RBFOX1: variants seen among roughly 807,000 people sequenced by gnomAD.
RBFOX1 encodes the protein RNA binding fox-1 homolog 1.
A neutral mutation model predicts 57.7 loss-of-function variants in RBFOX1; 8 were observed. That is an observed-to-expected ratio of 0.14 (90% CI 0.08 to 0.25). RBFOX1 has a LOEUF of 0.25. RBFOX1 is among the 10% of genes least tolerant of loss of function. The pLI, the probability that RBFOX1 is intolerant of heterozygous loss-of-function variation, is 1.00. For synonymous variants in RBFOX1, 326 were observed against 222.4 expected (o/e 1.47, Z -4.15); for missense variants, 611 against 548.5 (o/e 1.11, Z -1.14).
rs1164434790 is a variant in RBFOX1 at position 7,129,995 on chromosome 16, A to G, written c.27+77897A>G. ...ATAGGATATATACTCCTCTACTTCCATCTATACCTGGCCTCTAATCTTCTT... is the reference window on the plus strand; with the variant it reads ...ATAGGATATATACTCCTCTACTTCCGTCTATACCTGGCCTCTAATCTTCTT... On this transcript the variant is annotated intron_variant, in intron 4 of 15. Transcript: ENST00000550418. 2.7e-5 allele frequency among the ~76,000 whole-genome samples: 4 copies of G among 150,812 alleles called. No homozygotes were observed. The South Asian group carries it at 8.4e-4, about 32-fold the overall frequency.
chr16:7,197,201 T>C (rs963946329), intron 4 of RBFOX1, among the ~76,000 whole-genome samples: 10 of 152,186 alleles, frequency 6.6e-5, no homozygotes, highest in Non-Finnish European at 1.2e-4. Flanking sequence ...GATGTGGCTC[T>C]TCCAAGCCTC....
intron 14 of RBFOX1, among the ~76,000 whole-genome samples, chr16:7,695,182 T>G (rs2078402995): frequency 6.6e-6 from 1 of 152,168 alleles, no homozygotes; most frequent in Non-Finnish European, 1.5e-5. Flanking sequence ...GCCATTTTAA[T>G]ATTATGTTGC....
intron 4 of RBFOX1, among the ~76,000 whole-genome samples, chr16:7,113,611 A>C (rs898955025): frequency 1.3e-5 from 2 of 152,230 alleles, no homozygotes; most frequent in African/African-American, 4.8e-5. Flanking sequence ...TTATGTTAGC[A>C]TAGAGTGCAA....
chr16:6,708,667 C>T (rs888528440), intron 3 of RBFOX1, among the ~76,000 whole-genome samples: 1 of 152,206 alleles, frequency 6.6e-6, no homozygotes, highest in African/African-American at 2.4e-5. Flanking sequence ...CACTTAATTT[C>T]CAATTAATCA....
chr16:7,630,451 A>AG, intron 10 of RBFOX1, 152 bp from the exon 11 acceptor site: 1 of 1,487,358 alleles, frequency 6.7e-7, no homozygotes, highest in Non-Finnish European at 8.9e-7. Flanking sequence ...CCCTTTGGCT[A>AG]AGGCAGGGGG....
At chr16:6,988,444 A>C (rs2090760940) in intron 3 of RBFOX1, among the ~76,000 whole-genome samples, 1 of 152,242 alleles carries the variant, frequency 6.6e-6, no homozygotes, top group African/African-American at 2.4e-5. Context: ...TAAATAGCTC[A>C]TTGAGAGTTT....
chr16:6,685,943 A>C (rs77552871), intron 3 of RBFOX1, among the ~76,000 whole-genome samples: 1,653 of 152,250 alleles, frequency 0.011, 26 homozygotes, highest in African/African-American at 0.038. Context: ...TTATTTTTGT[A>C]CACTTAGGTT....
intron 4 of RBFOX1, among the ~76,000 whole-genome samples, chr16:7,341,457 C>G (rs1038322169): frequency 2.6e-5 from 4 of 152,094 alleles, no homozygotes; most frequent in African/African-American, 7.2e-5. Context: ...TCTCCGTCCT[C>G]AGAGGTTGCG....
chr16:6,571,165 T>G (rs11860531), intron 2 of RBFOX1, among the ~76,000 whole-genome samples: 8 of 152,112 alleles, frequency 5.3e-5, no homozygotes, highest in Non-Finnish European at 1.2e-4. Flanking sequence ...CGTAATTTGT[T>G]TTGACAACTA....
At chr16:6,695,003 A>C (rs1192711897) in intron 3 of RBFOX1, among the ~76,000 whole-genome samples, 3 of 152,114 alleles carry the variant, frequency 2.0e-5, no homozygotes, top group Non-Finnish European at 4.4e-5. Flanking sequence ...TGACACATAG[A>C]CATTCTAAAA....
At chr16:6,528,980 A>G (rs1195441551) in intron 2 of RBFOX1, among the ~76,000 whole-genome samples, 2 of 152,216 alleles carry the variant, frequency 1.3e-5, no homozygotes, top group Admixed American at 1.3e-4. Context: ...ATTTCTCTAC[A>G]TGAAGAACAA....
At chr16:6,971,281 A>T (rs145221481) in intron 3 of RBFOX1, among the ~76,000 whole-genome samples, 1 of 152,170 alleles carries the variant, frequency 6.6e-6, no homozygotes, top group Non-Finnish European at 1.5e-5. Context: ...GGGGATTCAT[A>T]TGTAAGCTGA....
At chr16:7,436,816 C>G (rs1424564658) in intron 4 of RBFOX1, among the ~76,000 whole-genome samples, 1 of 152,164 alleles carries the variant, frequency 6.6e-6, no homozygotes, top group Non-Finnish European at 1.5e-5. Flanking sequence ...AATCCCAGCA[C>G]TTTGGGAGAC....
In RBFOX1 at chr16:6,253,699, G is replaced by GTGTGTATATATATA. The variant is rs71145205; in HGVS notation, c.-126-63295_-126-63294insGTGTATATATATAT. On this transcript the variant is annotated intron_variant, in intron 1 of 15. Coordinates refer to ENST00000550418, the MANE Select transcript of RBFOX1 (RefSeq NM_018723.4). ...CATGTGTGTGTGTGTGTGTGTGTGT[G>GTGTGTATATATATA]TATATATATATATATGTACCTATAC... Among the ~76,000 whole-genome samples, 174 of 142,478 alleles carry GTGTGTATATATATA rather than the reference G, an allele frequency of 1.2e-3. 2 individuals carry two copies. Among genetic ancestry groups the GTGTGTATATATATA allele is most frequent in the South Asian group, 6.0e-3 (26 of 4,330 alleles). 93.5% of individuals were successfully genotyped at this position (142,478 alleles called of 152,430 possible).
intron 4 of RBFOX1, among the ~76,000 whole-genome samples, chr16:5,896,318 G>T (rs1389964853): frequency 6.6e-6 from 1 of 152,152 alleles, no homozygotes; most frequent in East Asian, 1.9e-4. Flanking sequence ...TGTTTTGATC[G>T]TGGGCAAGGG....
intron 3 of RBFOX1, among the ~76,000 whole-genome samples, chr16:6,674,221 A>T (rs1316762565): frequency 3.3e-5 from 5 of 152,174 alleles, no homozygotes; most frequent in Non-Finnish European, 7.4e-5. Flanking sequence ...ATGTAAATTT[A>T]TTTAGAGATA....
intron 3 of RBFOX1, among the ~76,000 whole-genome samples, chr16:6,928,678 G>A (rs1431347962): frequency 1.3e-5 from 2 of 152,126 alleles, no homozygotes; most frequent in Admixed American, 6.6e-5. Flanking sequence ...TCAAATTACT[G>A]AAGAACTGTG....
intron 3 of RBFOX1, among the ~76,000 whole-genome samples, chr16:5,803,784 A>G (rs777270404): frequency 6.6e-6 from 1 of 152,162 alleles, no homozygotes; most frequent in Admixed American, 6.5e-5. Context: ...ATGCTCTACT[A>G]TGATTATGTT....
chr16:7,443,279 T>C (rs1023091413), intron 4 of RBFOX1, among the ~76,000 whole-genome samples: 20 of 152,202 alleles, frequency 1.3e-4, no homozygotes, highest in Non-Finnish European at 1.9e-4. Flanking sequence ...GGCAATTTTC[T>C]TGGTGGCTTA....
Sources: allele counts gnomAD v4.1 joint callset (sites outside exome capture counted in the v4.1 genomes callset), GRCh38; gene constraint gnomAD v4.1.1; transcripts MANE v1.5; gene names NCBI Gene and HGNC (gene_info 2026-07-23, HGNC 2026-07-21).